The following CDK6 variants were observed in gnomAD, a reference collection of about 807,000 sequenced individuals.
The protein encoded by CDK6 is cyclin dependent kinase 6, also known as cyclin-dependent kinase 6.
Under a neutral mutation model 37.1 loss-of-function variants are expected in CDK6, and 6 were observed. The observed-to-expected ratio is 0.16, with a 90% CI of 0.09 to 0.32. The LOEUF is 0.32. Ranked by LOEUF, CDK6 falls within the 10% of genes least tolerant of loss-of-function variation. The pLI is 1.00. For missense variants in CDK6, 224 were observed against 418.9 expected (o/e 0.53, Z 4.06); for synonymous variants, 160 against 161.3 (o/e 0.99, Z 0.06).
chr7:92,762,315 C>G (rs575682694), intron 3 of CDK6, among the ~76,000 whole-genome samples: 22 of 151,970 alleles, frequency 1.4e-4, no homozygotes, highest in Non-Finnish European at 3.1e-4. Context: ...CTGTGATCAC[C>G]AACCTATTTC....
intron 2 of CDK6, among the ~76,000 whole-genome samples, chr7:92,798,534 C>T (rs1800478482): frequency 6.6e-6 from 1 of 152,170 alleles, no homozygotes; most frequent in Non-Finnish European, 1.5e-5. Context: ...TATAGATCTG[C>T]TATATAAGAG....
intron 2 of CDK6, among the ~76,000 whole-genome samples, chr7:92,824,656 G>A (rs1288332610): frequency 6.6e-6 from 1 of 152,114 alleles, no homozygotes; most frequent in Non-Finnish European, 1.5e-5. Flanking sequence ...ACAACGTGAG[G>A]TGGAATGAAA....
intron 4 of CDK6, among the ~76,000 whole-genome samples, chr7:92,713,873 A>T (rs957863592): frequency 1.3e-5 from 2 of 152,198 alleles, no homozygotes; most frequent in Admixed American, 6.5e-5. Context: ...TTCAAGATGG[A>T]TGCAGATACA....
chr7:92,636,279 C>T lies in CDK6; in HGVS notation c.648-13193G>A, dbSNP rs181802710. 1.9e-3 allele frequency among the ~76,000 whole-genome samples: 284 copies of T among 152,160 alleles called. 1 individual carries two copies. The highest frequency in any genetic ancestry group is 6.8e-3 in the African/African-American group (281 of 41,488). On this transcript the variant is annotated intron_variant, in intron 5 of 7. Coordinates refer to ENST00000424848, the MANE Select transcript of CDK6 (RefSeq NM_001145306.2). Reference sequence around the variant, plus strand: ...TTTGCCATGTTGCTCAGGCTGGTTTCGAACTCCTGAGCTCAAGCGATCTGC... The same window carrying T: ...TTTGCCATGTTGCTCAGGCTGGTTTTGAACTCCTGAGCTCAAGCGATCTGC...
chr7:92,653,674 C>T (rs1796626656), intron 5 of CDK6, among the ~76,000 whole-genome samples: 2 of 152,178 alleles, frequency 1.3e-5, no homozygotes, highest in South Asian at 4.1e-4. Flanking sequence ...CCAAATATTA[C>T]AGGATCTTTT....
chr7:92,789,280 C>T (rs1800223027), intron 2 of CDK6, among the ~76,000 whole-genome samples: 2 of 152,128 alleles, frequency 1.3e-5, no homozygotes, highest in Admixed American at 6.6e-5. Flanking sequence ...ATCTGCCCTA[C>T]AGGAAATGCT....
chr7:92,685,864 C>T (rs1051722886), intron 4 of CDK6, among the ~76,000 whole-genome samples: 6 of 152,228 alleles, frequency 3.9e-5, no homozygotes, highest in African/African-American at 1.4e-4. Context: ...TGTTCTGTCT[C>T]CCTGTCCCTT....
chr7:92,649,921 T>C (rs1326589557), intron 5 of CDK6, among the ~76,000 whole-genome samples: 3 of 152,222 alleles, frequency 2.0e-5, no homozygotes, highest in Non-Finnish European at 4.4e-5. Flanking sequence ...GAACCATAAA[T>C]AACAACCAGA....
intron 4 of CDK6, among the ~76,000 whole-genome samples, chr7:92,723,143 T>A (rs533053970): frequency 6.6e-6 from 1 of 152,040 alleles, no homozygotes; most frequent in Non-Finnish European, 1.5e-5. Context: ...GCCACTGCCC[T>A]CCAGCCTGGG....
rs9640606 is a variant in CDK6, at chr7:92,671,726, C to T, written c.538-191G>A. Among the ~76,000 whole-genome samples, 33,746 of 152,064 alleles carry T rather than the reference C, an allele frequency of 0.22. 5,446 individuals are homozygous for T. The highest frequency in any genetic ancestry group is 0.49 in the East Asian group (2,519 of 5,174). The stretch of plus-strand genomic sequence containing the variant: ...AGGCCAGGAAATTACATCATCCCCA[C>T]AAACTGGGTTCCCACCTCCAACTCT... On this transcript the variant is annotated intron_variant, in intron 4 of 7. Transcript: ENST00000424848.
In CDK6 at chr7:92,801,642, C is replaced by T. The variant is rs186500529; in HGVS notation, c.234-26811G>A. Among the ~76,000 whole-genome samples, 280 of 151,190 alleles carry T rather than the reference C, an allele frequency of 1.9e-3. 1 individual carries two copies. The highest frequency in any genetic ancestry group is 5.4e-3 in the African/African-American group (223 of 41,158). ...CCCTCCTTCCTTCCTTCTTCCCTCC[C>T]TTCTCTCTTTCTCTCTTTCTTTCTT... On this transcript the variant is annotated intron_variant, in intron 2 of 7. Transcript: ENST00000424848.
At chr7:92,675,241 T>C (rs779493248) in intron 4 of CDK6, among the ~76,000 whole-genome samples, 1 of 152,234 alleles carries the variant, frequency 6.6e-6, no homozygotes, top group Non-Finnish European at 1.5e-5. Flanking sequence ...AATAAATGTA[T>C]AGACAGTCAA....
chr7:92,628,599 C>T (rs1428402645), intron 5 of CDK6, among the ~76,000 whole-genome samples: 3 of 152,082 alleles, frequency 2.0e-5, no homozygotes, highest in African/African-American at 7.2e-5. Flanking sequence ...CTCCTCCTGT[C>T]TCAAAATTCA....
chr7:92,653,406 G>A (rs757655769), intron 5 of CDK6, among the ~76,000 whole-genome samples: 6 of 152,218 alleles, frequency 3.9e-5, no homozygotes, highest in Non-Finnish European at 7.3e-5. Context: ...CAGGGCAGAT[G>A]TGAAACCTGG....
chr7:92,784,330 T>C (rs1054702937), intron 2 of CDK6, among the ~76,000 whole-genome samples: 1 of 152,090 alleles, frequency 6.6e-6, no homozygotes, highest in Non-Finnish European at 1.5e-5. Context: ...CAATACAAAA[T>C]AGATTTGGAA....
chr7:92,768,954 T>A (rs1799646892), intron 3 of CDK6, among the ~76,000 whole-genome samples: 1 of 152,132 alleles, frequency 6.6e-6, no homozygotes, highest in African/African-American at 2.4e-5. Flanking sequence ...CTGAGAGGCT[T>A]TCCTCATCTG....
intron 3 of CDK6, among the ~76,000 whole-genome samples, chr7:92,742,791 C>T (rs1454223479): frequency 1.3e-5 from 2 of 151,614 alleles, no homozygotes; most frequent in Non-Finnish European, 2.9e-5. Flanking sequence ...AGATAAAATG[C>T]ATGCTGGAAA....
At chr7:92,648,430 A>C (rs113619588) in intron 5 of CDK6, among the ~76,000 whole-genome samples, 249 of 152,366 alleles carry the variant, frequency 1.6e-3, no homozygotes, top group African/African-American at 5.5e-3. Flanking sequence ...GATAAGGCTG[A>C]AGTATATAAA....
In CDK6 at chr7:92,725,695, G is replaced by A. The variant is rs760113915; in HGVS notation, c.468C>T (p.Ser156=). Residue 156 remains serine (S), a synonymous_variant, in exon 4 of 8, where the codon AGC becomes AGT. Coordinates refer to ENST00000424848, the MANE Select transcript of CDK6 (RefSeq NM_001145306.2). ...CGAAGTCAGCGAGTTTTATTTGTCC[G>A]CTGCTGGTCACCAGAATGTTCTGTG... ...LKPQNILVTS[S]GQIKLADFGL... The A allele has an allele frequency of 5.6e-6, 9 of 1,613,974 alleles. No individual in the cohort carries two copies. In the East Asian group the frequency reaches 6.7e-5, roughly 12 times the overall value.
Sources: allele counts gnomAD v4.1 joint callset (sites outside exome capture counted in the v4.1 genomes callset), GRCh38; gene constraint gnomAD v4.1.1; transcripts MANE v1.5; gene names NCBI Gene and HGNC (gene_info 2026-07-23, HGNC 2026-07-21).